Variants in RGSL1 observed in about 807,000 individuals in gnomAD.
The protein encoded by RGSL1 is regulator of G protein signaling like 1.
RGSL1 carries 97 observed loss-of-function variants against 124.7 expected under a neutral mutation model. That is an observed-to-expected ratio of 0.78 (90% CI 0.66 to 0.92). The LOEUF is 0.92. Ranked by LOEUF, RGSL1 falls within the 40% of genes least tolerant of loss-of-function variation. RGSL1 has a pLI of 0.00. For synonymous variants in RGSL1, 424 were observed against 438.1 expected (o/e 0.97, Z 0.40); for missense variants, 1,233 against 1,288.4 (o/e 0.96, Z 0.66).
chr1:182,509,221 G>C (rs1490943786), intron 9 of RGSL1, among the ~76,000 whole-genome samples: 4 of 65,976 alleles, frequency 6.1e-5, no homozygotes, highest in Admixed American at 1.3e-4. Context: ...CAGACGGGGT[G>C]GTGGCCGGGC....
chr1:182,516,820 T>C (rs1381075076), intron 9 of RGSL1, among the ~76,000 whole-genome samples: 1 of 152,216 alleles, frequency 6.6e-6, no homozygotes, highest in Non-Finnish European at 1.5e-5. Context: ...TCTGTAGCTG[T>C]TATCATTTTT....
chr1:182,448,442 T>G (rs1235923390), upstream of RGSL1: 1 of 152,204 alleles, frequency 6.6e-6, no homozygotes, highest in Non-Finnish European at 1.5e-5. Context: ...CAGTCTGGTC[T>G]CTAACTCCTG....
chr1:182,448,983 T>C (rs1651635604), upstream of RGSL1, among the ~76,000 whole-genome samples: 1 of 152,220 alleles, frequency 6.6e-6, no homozygotes, highest in Non-Finnish European at 1.5e-5. Context: ...CTACTGTATA[T>C]GCCATTATTT....
chr1:182,474,053 T>A lies in RGSL1; in HGVS notation c.942T>A (p.Tyr314Ter). 1.3e-6 allele frequency: 2 copies of A among 1,551,786 alleles called. No individual in the cohort carries two copies. Among genetic ancestry groups the A allele is most frequent in the Non-Finnish European group, 1.7e-6 (2 of 1,146,990 alleles). The change falls in exon 6 of 22, where the codon TAT (tyrosine) becomes TAA (stop). Residue 314 changes from tyrosine to a stop codon, truncating the protein, a stop_gained. Coordinates refer to ENST00000294854, the MANE Select transcript of RGSL1 (RefSeq NM_001137669.2). LOFTEE classifies it high-confidence loss of function. Reference sequence around the variant, plus strand: ...GTTCCCTGGAAAAGGATATGCATTATGCAAAAATATCCAGCATGGAGAATA... The same window carrying A: ...GTTCCCTGGAAAAGGATATGCATTAAGCAAAAATATCCAGCATGGAGAATA... ...RISSLEKDMH[Y>*]AKISSMENKA... is the part of the protein sequence containing the mutation.
rs1655340944 is a variant in RGSL1 at position 182,489,194 on chromosome 1, T to A, written c.1709T>A (p.Phe570Tyr). 6.4e-7 allele frequency: 1 copy of A among 1,551,680 alleles called. No individual in the cohort carries two copies. The highest frequency in any genetic ancestry group is 8.7e-7 in the Non-Finnish European group (1 of 1,146,956). ...CAGGTAGAGCTGACATCTCCAGTGT[T>A]TCTAACAGGTCAGAGCAGTCACTGT... ...SLQVELTSPVFLTDITKMSFE... is the reference protein window; with the variant it reads ...SLQVELTSPVYLTDITKMSFE... The change falls in exon 8 of 22, where the codon TTT (phenylalanine) becomes TAT (tyrosine). Residue 570 changes from phenylalanine (F) to tyrosine (Y), a missense_variant. Physicochemically the swap from Phe to Tyr is conservative, Grantham distance 22. Transcript: ENST00000294854.
chr1:182,460,570 G>A (rs1268881828), intron 4 of RGSL1: 7 of 445,572 alleles, frequency 1.6e-5, no homozygotes, highest in Non-Finnish European at 2.7e-5. Context: ...CCTAGTTAAT[G>A]AAATCATCTC....
intron 4 of RGSL1, among the ~76,000 whole-genome samples, chr1:182,461,951 G>T (rs967688270): frequency 6.6e-6 from 1 of 152,054 alleles, no homozygotes; most frequent in Non-Finnish European, 1.5e-5. Flanking sequence ...GAGAATATTT[G>T]AATATATAAT....
At chr1:182,509,897 GC>G (rs1657259015) in intron 9 of RGSL1, among the ~76,000 whole-genome samples, 2 of 142,134 alleles carry the variant, frequency 1.4e-5, no homozygotes, top group South Asian at 4.6e-4. Flanking sequence ...TGGCTGCCGG[GC>G]GGAGAGGCTC....
intron 18 of RGSL1, among the ~76,000 whole-genome samples, chr1:182,553,086 T>G (rs1036824411): frequency 6.6e-6 from 1 of 152,278 alleles, no homozygotes; most frequent in East Asian, 1.9e-4. Context: ...ATATTTTTAA[T>G]AGAGATGAGG....
rs1007790937 is a variant in RGSL1 at position 182,554,609 on chromosome 1, C to A, written c.3131-18C>A. ...TGTCATGAGTCCTGATGCAATTTTT[C>A]TCTGTATTTCTCTTTAGCTTCATCA... On this transcript the variant is annotated intron_variant, in intron 19 of 21. Transcript: ENST00000294854. The A allele has an allele frequency of 1.3e-6, 2 of 1,550,804 alleles. No individual in the cohort carries two copies. The highest frequency in any genetic ancestry group is 2.7e-5 in the African/African-American group (2 of 73,020).
In RGSL1 at chr1:182,489,166, C is replaced by T. The variant is rs1655337940; in HGVS notation, c.1681C>T (p.Leu561Phe). ...ATEDLKQGGS[L>F]QVELTSPVFL... ...TGAGGACCTGAAGCAAGGAGGCTCT[C>T]TCCAGGTAGAGCTGACATCTCCAGT... The change falls in exon 8 of 22, where the codon CTC becomes TTC. Residue 561 changes from leucine (L) to phenylalanine (F), a missense_variant. Coordinates refer to ENST00000294854, the MANE Select transcript of RGSL1 (RefSeq NM_001137669.2). 6.4e-7 allele frequency: 1 copy of T among 1,551,738 alleles called. No homozygotes were observed. The highest frequency in any genetic ancestry group is 8.7e-7 in the Non-Finnish European group (1 of 1,147,004).
At chr1:182,509,818 A>ACC (rs1313716167) in intron 9 of RGSL1, among the ~76,000 whole-genome samples, 40 of 56,452 alleles carry the variant, frequency 7.1e-4, no homozygotes, top group South Asian at 1.2e-3. Flanking sequence ...CGGGGGGCTG[A>ACC]CCCCCCCCCA....
intron 8 of RGSL1, among the ~76,000 whole-genome samples, chr1:182,492,102 C>T (rs1438983422): frequency 6.6e-6 from 1 of 152,182 alleles, no homozygotes; most frequent in Non-Finnish European, 1.5e-5. Flanking sequence ...GAAAGTAATT[C>T]CCAAAGTCAG....
chr1:182,521,177 T>C (rs1397036637), intron 9 of RGSL1, among the ~76,000 whole-genome samples: 3 of 152,182 alleles, frequency 2.0e-5, no homozygotes, highest in Non-Finnish European at 4.4e-5. Flanking sequence ...TCAACTGATC[T>C]TCTTGCCTCA....
intron 9 of RGSL1, among the ~76,000 whole-genome samples, chr1:182,506,073 A>G (rs1656786018): frequency 6.6e-6 from 1 of 152,190 alleles, no homozygotes; most frequent in Non-Finnish European, 1.5e-5. Context: ...ATCTCAATTT[A>G]ATCACAGATT....
chr1:182,467,404 T>C (rs950340417), intron 4 of RGSL1, among the ~76,000 whole-genome samples: 1 of 152,188 alleles, frequency 6.6e-6, no homozygotes, highest in Non-Finnish European at 1.5e-5. Flanking sequence ...AGCATGGTAC[T>C]GGTACCAAAA....
rs1652523603 is a variant in RGSL1 at position 182,458,366 on chromosome 1, C to G, written c.144C>G (p.Ser48Arg). ...ATACTGTTGAAAATTCACAGTGGAG[C>G]TTGTGGCCAGAAATACCTTGTAACT... ...PFYTVENSQW[S>R]LWPEIPCNLI... Residue 48 changes from serine (S) to arginine (R), a missense_variant, in exon 3 of 22, where the codon AGC becomes AGG. Transcript: ENST00000294854. 1 of 1,551,964 alleles carries G rather than the reference C, an allele frequency of 6.4e-7. No homozygotes were observed.
chr1:182,451,455 G>A lies in RGSL1; in HGVS notation c.13+1277G>A, dbSNP rs147736775. ...GATTATATGTAAACCAGTTCTTAAT[G>A]GATGACTATTAATTTGTGAGCTGAC... On this transcript the variant is annotated intron_variant, in intron 1 of 21. Transcript: ENST00000294854. Among the ~76,000 whole-genome samples, 216 of 152,214 alleles carry A rather than the reference G, an allele frequency of 1.4e-3. 2 individuals are homozygous for A. Among genetic ancestry groups the A allele is most frequent in the African/African-American group, 5.0e-3 (208 of 41,550 alleles).
At chr1:182,542,331 C>T (rs4119587) in intron 15 of RGSL1, among the ~76,000 whole-genome samples, 78,753 of 151,996 alleles carry the variant, frequency 0.52, 20,668 homozygotes, top group Non-Finnish European at 0.55. Context: ...TCCTTTCCCC[C>T]ATTGCGCATT....
Sources: allele counts gnomAD v4.1 joint callset (sites outside exome capture counted in the v4.1 genomes callset), GRCh38; gene constraint gnomAD v4.1.1; transcripts MANE v1.5; gene names NCBI Gene and HGNC (gene_info 2026-07-23, HGNC 2026-07-21).